Variants in NOTO observed in about 807,000 individuals in gnomAD.
NOTO encodes homeobox protein notochord.
A neutral mutation model predicts 20.5 loss-of-function variants in NOTO; 19 were observed. The observed-to-expected ratio is 0.93, with a 90% CI of 0.65 to 1.36. NOTO has a LOEUF of 1.36. Ranked by LOEUF, NOTO falls within the 40% of genes most tolerant of loss-of-function variation. The pLI is 0.00. For missense variants in NOTO, 369 were observed against 336.2 expected, an observed-to-expected ratio of 1.10 and a Z score of -0.76; for synonymous variants, 150 against 150.2, an observed-to-expected ratio of 1.00 and a Z score of 0.01.
chr2:73,203,190 G>A, intron 1 of NOTO, 142 bp downstream of exon 1: 1 of 744,298 alleles, frequency 1.3e-6, no homozygotes, highest in Non-Finnish European at 1.9e-6. Context: ...CTCTGCCACC[G>A]TTTACCTTGC....
intron 2 of NOTO, among the ~76,000 whole-genome samples, chr2:73,208,991 C>A (rs778065437): frequency 1.3e-5 from 2 of 151,910 alleles, no homozygotes; most frequent in African/African-American, 4.8e-5. Flanking sequence ...TCAAGACCAG[C>A]CCAGCCAACA....
chr2:73,204,093 C>T (rs1686050221), intron 1 of NOTO, among the ~76,000 whole-genome samples: 1 of 75,804 alleles, frequency 1.3e-5, no homozygotes, highest in South Asian at 3.5e-4. Flanking sequence ...AGCGAAACTC[C>T]GTCTCAAAAA....
At chr2:73,208,743 G>C in intron 2 of NOTO, 129 bp downstream of exon 2, 1 of 643,512 alleles carries the variant, frequency 1.6e-6, no homozygotes, top group Non-Finnish European at 2.7e-6. Flanking sequence ...GAGGGGACAG[G>C]CCCTGACTTT....
At chr2:73,210,650 G>A in intron 2 of NOTO, 121 bp from the exon 3 acceptor site, 3 of 756,800 alleles carry the variant, frequency 4.0e-6, no homozygotes, top group Non-Finnish European at 6.3e-6. Flanking sequence ...TTTGGAGGAG[G>A]TACCTCCCTG....
Position 73,211,019 on chromosome 2 carries a change from A to G in NOTO, c.*90A>G. 9.4e-7 allele frequency: 1 copy of G among 1,065,992 alleles called. No individual in the cohort carries two copies. The highest frequency in any genetic ancestry group is 2.7e-5 in the East Asian group (1 of 36,912). The allele number at this position is 1,065,992 out of a possible 1,614,324, so 66.0% of individuals were successfully genotyped here. On this transcript the variant is annotated 3_prime_UTR_variant, in exon 3 of 3. Coordinates refer to ENST00000398468, the MANE Select transcript of NOTO (RefSeq NM_001134462.2). ...CTCCCTGCCTCACACCTCAACGAAA[A>G]GCCTCCTCAACCAGAAGAATCTGAG...
chr2:73,206,839 G>T (rs555858009), intron 1 of NOTO, among the ~76,000 whole-genome samples: 1 of 137,338 alleles, frequency 7.3e-6, no homozygotes, highest in Non-Finnish European at 1.5e-5. Context: ...CTATCACCCA[G>T]GCTGGAATAC....
Position 73,208,623 on chromosome 2 carries a change from A to T in NOTO, c.597+9A>T, listed in dbSNP as rs1373511491. The T allele has an allele frequency of 6.5e-7, 1 of 1,529,548 alleles. No homozygotes were observed. The highest frequency in any genetic ancestry group is 8.9e-7 in the Non-Finnish European group (1 of 1,127,652). 94.7% of individuals were successfully genotyped at this position (1,529,548 alleles called of 1,614,324 possible). A position where few individuals can be genotyped will look rare whatever the true frequency, so the allele number is the denominator to read the frequency against. On this transcript the variant is annotated intron_variant, in intron 2 of 2. Transcript: ENST00000398468. ...AACTTACAGAGAACCAGGTGGGAGT[A>T]GGGACTCCTATTGGGCCTGGGCTGC...
In NOTO at chr2:73,208,464, A is replaced by T. The variant is rs1183822168; in HGVS notation, c.447A>T (p.Leu149=). 2.6e-6 allele frequency: 4 copies of T among 1,551,692 alleles called. No homozygotes were observed. In the South Asian group the frequency reaches 3.6e-5, roughly 14 times the overall value. ...AFPDWAPTED[L]QDTERQQKRV... is the part of the protein sequence containing the mutation. ...CAGACTGGGCCCCAACGGAGGACCT[A>T]CAGGACACTGAGAGACAGCAAAAGA... Residue 149 remains leucine, a synonymous_variant, in exon 2 of 3, where the codon CTA becomes CTT. Transcript: ENST00000398468.
Position 73,203,859 on chromosome 2 carries a change from G to GCA in NOTO, c.382+811_382+812insCA, listed in dbSNP as rs1476436292. Among the ~76,000 whole-genome samples, 562 of 89,448 alleles carry GCA rather than the reference G, an allele frequency of 6.3e-3. 6 individuals are homozygous for GCA. Among genetic ancestry groups the GCA allele is most frequent in the African/African-American group, 0.016 (228 of 14,302 alleles). 58.7% of individuals were successfully genotyped at this position (89,448 alleles called of 152,430 possible). A position where few individuals can be genotyped will look rare whatever the true frequency, so the allele number is the denominator to read the frequency against. On this transcript the variant is annotated intron_variant, in intron 1 of 2. Transcript: ENST00000398468. ...CTCACGCCTGTAATCCCAGCACTTT[G>GCA]GGAGGCCGAGACGGGCGGATCACGA...
chr2:73,210,739 C>T, intron 2 of NOTO, 32 bp from the exon 3 acceptor site: 3 of 1,522,262 alleles, frequency 2.0e-6, no homozygotes, highest in Non-Finnish European at 2.7e-6. Flanking sequence ...CTGATGGTCA[C>T]ATTCTGATCT....
At chr2:73,203,482 T>G (rs1574334295) in intron 1 of NOTO, among the ~76,000 whole-genome samples, 6 of 148,418 alleles carry the variant, frequency 4.0e-5, no homozygotes, top group Admixed American at 2.0e-4. Flanking sequence ...TTTTACGGGG[T>G]AGGGGGAAGT....
At chr2:73,203,306 G>C (rs1199170263) in intron 1 of NOTO, among the ~76,000 whole-genome samples, 2 of 152,206 alleles carry the variant, frequency 1.3e-5, no homozygotes, top group Non-Finnish European at 2.9e-5. Flanking sequence ...GCGGCGCAGC[G>C]CCTGAATGCG....
At chr2:73,206,496 A>G (rs13404992) in intron 1 of NOTO, among the ~76,000 whole-genome samples, 14,105 of 151,978 alleles carry the variant, frequency 0.093, 828 homozygotes, top group African/African-American at 0.17. Flanking sequence ...GCACCACCAC[A>G]CCTGACTAAT....
In NOTO at chr2:73,210,866, G is replaced by C; in HGVS notation, c.693G>C (p.Glu231Asp). The C allele has an allele frequency of 6.4e-7, 1 of 1,551,672 alleles. No individual in the cohort carries two copies. The highest frequency in any genetic ancestry group is 1.4e-5 in the African/African-American group (1 of 73,178). ...CTGCCGAGGCTGCCTCCCTGGATGA[G>C]CCTTCCAGCAGCTCCATCGCCAGTA... ...VTSAEAASLD[E>D]PSSSSIASIQ... Residue 231 changes from glutamate to aspartate, a missense_variant, in exon 3 of 3, where the codon GAG (glutamate) becomes GAC (aspartate). Physicochemically the swap from Glu to Asp is conservative, Grantham distance 45 (BLOSUM62 2). Transcript: ENST00000398468.
Position 73,210,952 on chromosome 2 carries a change from C to T in NOTO, c.*23C>T, listed in dbSNP as rs1235070213. The stretch of plus-strand genomic sequence containing the variant: ...TGAAGACTGGGACAGAGGCCCTAGC[C>T]AGGCTGCCTGGACTAGTTCCTCCTG... On this transcript the variant is annotated 3_prime_UTR_variant, in exon 3 of 3. Transcript: ENST00000398468. 1.3e-6 allele frequency: 2 copies of T among 1,540,134 alleles called. No homozygotes were observed. Among genetic ancestry groups the T allele is most frequent in the African/African-American group, 1.4e-5 (1 of 72,946 alleles).
Position 73,202,928 on chromosome 2 carries a change from G to C in NOTO, c.262G>C (p.Gly88Arg). The change falls in exon 1 of 3, where the codon GGG becomes CGG. Residue 88 changes from glycine (G) to arginine (R), a missense_variant. Gly to Arg is a moderately radical substitution (Grantham distance 125, BLOSUM62 -2). Coordinates refer to ENST00000398468, the MANE Select transcript of NOTO (RefSeq NM_001134462.2). ...GACCGCTGCTTCCCTGTGCGCCACC[G>C]GGGGTCTGCCCTGGGCTTGCCCGAC... The part of the protein sequence containing the change: ...FWTAASLCAT[G>R]GLPWACPTSW... 6.6e-7 allele frequency: 1 copy of C among 1,524,920 alleles called. No homozygotes were observed. Among genetic ancestry groups the C allele is most frequent in the Non-Finnish European group, 8.8e-7 (1 of 1,140,260 alleles). The allele number at this position is 1,524,920 out of a possible 1,614,324, so 94.5% of individuals were successfully genotyped here.
At chr2:73,209,030 C>CA (rs995013491) in intron 2 of NOTO, among the ~76,000 whole-genome samples, 62 of 151,774 alleles carry the variant, frequency 4.1e-4, no homozygotes, top group African/African-American at 1.4e-3. Flanking sequence ...ACTAAAAATA[C>CA]AAAAAAATCA....
rs549042378 is a variant in NOTO at position 73,211,490 on chromosome 2, A to G, written c.*561A>G. On this transcript the variant is annotated 3_prime_UTR_variant, in exon 3 of 3. Transcript: ENST00000398468. ...AGATTCAGGGCTCATTCCACATGGC[A>G]GCCCCTCCTTTCTTTTTTTTTTGAG... 3 of 151,404 alleles carry G rather than the reference A, an allele frequency of 2.0e-5. No homozygotes were observed. Among genetic ancestry groups the G allele is most frequent in the African/African-American group, 7.3e-5 (3 of 41,328 alleles). 9.4% of individuals were successfully genotyped at this position (151,404 alleles called of 1,614,324 possible). A position where few individuals can be genotyped will look rare whatever the true frequency, so the allele number is the denominator to read the frequency against.
Position 73,208,583 on chromosome 2 carries a change from TG to T in NOTO, c.568del (p.Ala190GlnfsTer11). The T allele has an allele frequency of 6.4e-7, 1 of 1,551,392 alleles. No individual in the cohort carries two copies. The highest frequency in any genetic ancestry group is 8.7e-7 in the Non-Finnish European group (1 of 1,146,892). On this transcript the variant is annotated frameshift_variant, in exon 2 of 3. Coordinates refer to ENST00000398468, the MANE Select transcript of NOTO (RefSeq NM_001134462.2). LOFTEE classifies it high-confidence loss of function. ...HNLVGKKRAQ[L>X]AARLKLTENQ... ...CTGGTGGGGAAGAAGAGAGCCCAGC[TG>T]GCAGCTCGGCTCAAACTTACAGAGA... is the stretch of plus-strand genomic sequence containing the variant.
Sources: gnomAD v4.1 joint callset for allele counts (sites outside exome capture counted in the v4.1 genomes callset) on GRCh38, gnomAD v4.1.1 for gene constraint, MANE v1.5 for transcripts, NCBI Gene and HGNC (gene_info 2026-07-23, HGNC 2026-07-21) for gene names.